Variants in CACNB4 observed in about 807,000 individuals in gnomAD.
CACNB4 encodes the protein voltage-dependent L-type calcium channel subunit beta-4.
In CACNB4, 32 loss-of-function variants were observed where a neutral mutation model predicts 71.2. That is an observed-to-expected ratio of 0.45 (90% CI 0.34 to 0.60). The LOEUF (loss-of-function observed/expected upper bound fraction) is 0.60. Among genes scored for constraint, CACNB4 ranks in the 20% least tolerant of loss-of-function variants. The pLI is 0.01. For synonymous variants in CACNB4, 231 were observed against 236.9 expected, an observed-to-expected ratio of 0.97 and a Z score of 0.23; for missense variants, 464 against 647.9, an observed-to-expected ratio of 0.72 and a Z score of 3.08.
chr2:152,066,663 T>C (rs1476319042), intron 2 of CACNB4, among the ~76,000 whole-genome samples: 1 of 150,708 alleles, frequency 6.6e-6, no homozygotes, highest in Non-Finnish European at 1.5e-5. Flanking sequence ...CAAAGGACTA[T>C]AAATCATGCT....
At chr2:152,057,694 G>C (rs990486026) in intron 2 of CACNB4, among the ~76,000 whole-genome samples, 3 of 152,072 alleles carry the variant, frequency 2.0e-5, no homozygotes, top group Admixed American at 6.5e-5. Context: ...TGCACACACA[G>C]AGGCATATGC....
At chr2:151,978,518 G>A (rs1457705635) in intron 2 of CACNB4, among the ~76,000 whole-genome samples, 2 of 152,132 alleles carry the variant, frequency 1.3e-5, no homozygotes, top group Non-Finnish European at 2.9e-5. Context: ...GCAGGGTAAC[G>A]CTCAGTAAGC....
At chr2:152,003,018 CT>C in intron 2 of CACNB4, among the ~76,000 whole-genome samples, 1 of 152,368 alleles carries the variant, frequency 6.6e-6, no homozygotes, top group Admixed American at 6.5e-5. Flanking sequence ...GCAAAGCATG[CT>C]TTCCACTCCC....
chr2:151,983,239 G>T (rs2099875023), intron 2 of CACNB4, among the ~76,000 whole-genome samples: 1 of 152,202 alleles, frequency 6.6e-6, no homozygotes. Context: ...TTGAGTTTTT[G>T]AGCTTAAGTA....
intron 2 of CACNB4, among the ~76,000 whole-genome samples, chr2:152,069,390 T>A (rs952808152): frequency 2.0e-5 from 3 of 151,904 alleles, no homozygotes; most frequent in African/African-American, 7.3e-5. Context: ...CCTCAAAGCC[T>A]CCTAGGAAAT....
chr2:152,092,866 A>G (rs1314129840), intron 2 of CACNB4, among the ~76,000 whole-genome samples: 1 of 151,894 alleles, frequency 6.6e-6, no homozygotes, highest in East Asian at 1.9e-4. Flanking sequence ...TCCTATACAT[A>G]TATACCTAAG....
Position 152,098,471 on chromosome 2 carries a change from G to C in CACNB4, c.64-58C>G, listed in dbSNP as rs34347895. On this transcript the variant is annotated intron_variant, in intron 1 of 13. Coordinates refer to ENST00000539935, the MANE Select transcript of CACNB4 (RefSeq NM_000726.5). This position sits in a 1 kb window ranked among gnomAD's most constrained non-coding sequence, Gnocchi z 5.3. ...CGGTGAGGACCGCAGCGCAGAGCGG[G>C]GCGACCACCCCCGGCTGGAGTCCGC... 0.14 allele frequency: 208,254 copies of C among 1,500,224 alleles called. 21,951 individuals are homozygous for C. Among genetic ancestry groups the C allele is most frequent in the East Asian group, 0.58 (25,715 of 44,236 alleles). 92.9% of individuals were successfully genotyped at this position (1,500,224 alleles called of 1,614,324 possible). A position where few individuals can be genotyped will look rare whatever the true frequency, so the allele number is the denominator to read the frequency against.
chr2:151,965,437 G>T (rs2099870832), intron 2 of CACNB4, among the ~76,000 whole-genome samples: 1 of 152,140 alleles, frequency 6.6e-6, no homozygotes, highest in Non-Finnish European at 1.5e-5. Context: ...TCCTAGAATT[G>T]ATTGTATTCC....
chr2:151,919,610 C>CAG (rs1243752655), intron 2 of CACNB4, among the ~76,000 whole-genome samples: 2 of 152,116 alleles, frequency 1.3e-5, no homozygotes, highest in South Asian at 2.1e-4. Context: ...TGTGATAGTC[C>CAG]AGAGAGAGAG....
Position 152,098,791 on chromosome 2 carries a change from G to T in CACNB4, c.63+158C>A. 1 of 1,048,494 alleles carries T rather than the reference G, an allele frequency of 9.5e-7. No homozygotes were observed. Among genetic ancestry groups the T allele is most frequent in the Non-Finnish European group, 1.4e-6 (1 of 724,866 alleles). The allele number at this position is 1,048,494 out of a possible 1,614,324, so 64.9% of individuals were successfully genotyped here. ...GGAGGAGAAAGAGGAGGAGCGGGAG[G>T]AGAAAGGGACGTGGAGGAGGGGTGG... On this transcript the variant is annotated intron_variant, in intron 1 of 13. Coordinates refer to ENST00000539935, the MANE Select transcript of CACNB4 (RefSeq NM_000726.5). The surrounding 1 kb of genome is among the most constrained non-coding windows in gnomAD (Gnocchi z 5.3).
In CACNB4 at chr2:152,070,532, G is replaced by A. The variant is rs573694055; in HGVS notation, c.147+27798C>T. ...ACTTAACACAAAAATGGGTGTTCAC[G>A]GAAACCACACAAGAAGAAGACAGGC... is the stretch of plus-strand genomic sequence containing the variant. On this transcript the variant is annotated intron_variant, in intron 2 of 13. Transcript: ENST00000539935. 7.9e-4 allele frequency among the ~76,000 whole-genome samples: 120 copies of A among 152,034 alleles called. 1 individual carries two copies. The highest frequency in any genetic ancestry group is 2.1e-3 in the African/African-American group (89 of 41,498).
chr2:152,044,930 T>A (rs944923717), intron 2 of CACNB4, among the ~76,000 whole-genome samples: 3 of 151,320 alleles, frequency 2.0e-5, no homozygotes, highest in African/African-American at 7.3e-5. Context: ...TAAACTGAAT[T>A]GAAGCAGGGG....
intron 3 of CACNB4, among the ~76,000 whole-genome samples, 184 bp from the exon 4 acceptor site, chr2:151,881,106 T>C (rs2099847709): frequency 6.6e-6 from 1 of 152,192 alleles, no homozygotes; most frequent in South Asian, 2.1e-4. Context: ...ATTGGTCCTA[T>C]CAGCCCAACC....
At chr2:152,089,846 T>G (rs551870716) in intron 2 of CACNB4, among the ~76,000 whole-genome samples, 11 of 151,486 alleles carry the variant, frequency 7.3e-5, no homozygotes, top group African/African-American at 2.2e-4. Context: ...TAGGCTGAGG[T>G]GGGAGGATCC....
At chr2:152,066,051 G>A (rs1686299626) in intron 2 of CACNB4, among the ~76,000 whole-genome samples, 1 of 152,156 alleles carries the variant, frequency 6.6e-6, no homozygotes, top group South Asian at 2.1e-4. Flanking sequence ...TCAATCAAGT[G>A]GAATAAAGCC....
chr2:151,911,397 C>T (rs575787481), intron 2 of CACNB4, among the ~76,000 whole-genome samples: 1 of 152,170 alleles, frequency 6.6e-6, no homozygotes, highest in Admixed American at 6.6e-5. Flanking sequence ...AAAGGGAATA[C>T]TTCCAGCTTT....
chr2:152,000,868 G>T (rs544908948), intron 2 of CACNB4, among the ~76,000 whole-genome samples: 17 of 152,256 alleles, frequency 1.1e-4, no homozygotes, highest in African/African-American at 4.1e-4. Flanking sequence ...AGAAAAGTGC[G>T]CGGGCTCTTG....
rs79696299 is a variant in CACNB4 at position 151,885,667 on chromosome 2, T to C, written c.148-2297A>G. 1.4e-3 allele frequency among the ~76,000 whole-genome samples: 213 copies of C among 152,352 alleles called. No homozygotes were observed. In the East Asian group the frequency reaches 0.025, roughly 18 times the overall value. On this transcript the variant is annotated intron_variant, in intron 2 of 13. Transcript: ENST00000539935. Reference sequence around the variant, plus strand: ...CATAGAAGATGTACTATAAACCTGATAACCGCAATGTGTCCAAATCCATGA... The same window carrying C: ...CATAGAAGATGTACTATAAACCTGACAACCGCAATGTGTCCAAATCCATGA...
intron 9 of CACNB4, among the ~76,000 whole-genome samples, chr2:151,862,166 T>C (rs1299941606): frequency 1.3e-5 from 2 of 152,178 alleles, no homozygotes; most frequent in Admixed American, 6.5e-5. Context: ...TCTTTGGGGA[T>C]TGAAGCAGGA....
Sources: gnomAD v4.1 joint callset for allele counts (sites outside exome capture counted in the v4.1 genomes callset) on GRCh38, gnomAD v4.1.1 for gene constraint, Gnocchi (gnomAD v3.1) non-coding constraint, MANE v1.5 for transcripts, NCBI Gene and HGNC (gene_info 2026-07-23, HGNC 2026-07-21) for gene names.